The following CEP95 variants were observed in gnomAD, a reference collection of about 807,000 sequenced individuals.
CEP95 encodes the protein centrosomal protein 95.
CEP95 carries 98 observed loss-of-function variants against 111.2 expected under a neutral mutation model. The observed-to-expected ratio is 0.88, with a 90% CI of 0.75 to 1.04. The LOEUF (loss-of-function observed/expected upper bound fraction) is 1.04. CEP95 is among the 50% of genes least tolerant of loss of function. The pLI is 0.00. For synonymous variants in CEP95, 323 were observed against 327.1 expected (o/e 0.99, Z 0.14); for missense variants, 1,027 against 977.2 (o/e 1.05, Z -0.68).
chr17:64,507,444 C>G, intron 1 of CEP95: 1 of 1,336,386 alleles, frequency 7.5e-7, no homozygotes, highest in Non-Finnish European at 9.6e-7. Flanking sequence ...TCCGTGTGCC[C>G]TCCGCCCTTG....
intron 5 of CEP95, among the ~76,000 whole-genome samples, chr17:64,518,297 A>G (rs1555676875): frequency 6.6e-6 from 1 of 152,240 alleles, no homozygotes; most frequent in African/African-American, 2.4e-5. Flanking sequence ...ATTATCAAAA[A>G]CGTGATACTT....
chr17:64,517,690 ATTTTTT>A (rs782455302), intron 5 of CEP95, among the ~76,000 whole-genome samples: 3 of 124,512 alleles, frequency 2.4e-5, no homozygotes, highest in Admixed American at 8.2e-5. Flanking sequence ...CACCTGGCTA[ATTTTTT>A]TTTTTTTTTT....
Position 64,537,698 on chromosome 17 carries a change from C to A in CEP95, c.2385C>A (p.Phe795Leu). 6.2e-7 allele frequency: 1 copy of A among 1,613,340 alleles called. No homozygotes were observed. ...DMITQNDDDV[F>L]FRELEAERFR... ...TAACACAGAATGATGATGATGTTTT[C>A]TTCCGGGAACTGGAAGCTGAGCGCT... Residue 795 changes from phenylalanine (F) to leucine (L), a missense_variant, in exon 20 of 20, where the codon TTC (phenylalanine) becomes TTA (leucine). Coordinates refer to ENST00000556440, the MANE Select transcript of CEP95 (RefSeq NM_138363.3).
At chr17:64,511,230 A>G (rs868950875) in intron 3 of CEP95, among the ~76,000 whole-genome samples, 16 of 152,358 alleles carry the variant, frequency 1.1e-4, no homozygotes, top group African/African-American at 3.6e-4. Flanking sequence ...ATCAGGAGAC[A>G]GGGTTTTGAG....
chr17:64,519,768 C>T (rs1168774657), intron 6 of CEP95, among the ~76,000 whole-genome samples: 2 of 152,176 alleles, frequency 1.3e-5, no homozygotes, highest in Non-Finnish European at 2.9e-5. Flanking sequence ...TGGTGGTTGA[C>T]TCACTTTTTT....
In CEP95 at chr17:64,529,139, A is replaced by G. The variant is rs184183073; in HGVS notation, c.1307-149A>G. The G allele has an allele frequency of 5.4e-3, 3,469 of 641,152 alleles. 16 individuals carry two copies. Among genetic ancestry groups the G allele is most frequent in the South Asian group, 0.015 (759 of 50,530 alleles). The allele number at this position is 641,152 out of a possible 1,614,324, so 39.7% of individuals were successfully genotyped here. On this transcript the variant is annotated intron_variant, in intron 11 of 19. Transcript: ENST00000556440. Reference sequence around the variant, plus strand: ...TGCATTTGTCTGTTTACTTGGTGTTACCATACCAATTCAAGTTAGTTACAG... The same window carrying G: ...TGCATTTGTCTGTTTACTTGGTGTTGCCATACCAATTCAAGTTAGTTACAG...
intron 4 of CEP95, chr17:64,515,612 A>T (rs781854879): frequency 2.6e-5 from 4 of 152,096 alleles, no homozygotes; most frequent in Non-Finnish European, 4.4e-5. Context: ...TTCCCAGGGG[A>T]GATCGGCAGT....
chr17:64,520,423 G>GCATCTAATTTAA (rs1568135457), intron 6 of CEP95: 1 of 151,638 alleles, frequency 6.6e-6, no homozygotes, highest in African/African-American at 2.4e-5. Context: ...ACATTCACAG[G>GCATCTAATTTAA]CATCTAATTT....
Position 64,506,994 on chromosome 17 carries a change from T to A in CEP95, c.-104T>A. Reference sequence around the variant, plus strand: ...CACGCCTCCTTCCCCGCGCTTTGGTTCGTGCGTCCGCGCCCCAGTGTCGGG... The same window carrying A: ...CACGCCTCCTTCCCCGCGCTTTGGTACGTGCGTCCGCGCCCCAGTGTCGGG... On this transcript the variant is annotated 5_prime_UTR_variant, in exon 1 of 20. Coordinates refer to ENST00000556440, the MANE Select transcript of CEP95 (RefSeq NM_138363.3). 1 of 1,353,882 alleles carries A rather than the reference T, an allele frequency of 7.4e-7. No homozygotes were observed. The highest frequency in any genetic ancestry group is 1.0e-6 in the Non-Finnish European group (1 of 967,760). The allele number at this position is 1,353,882 out of a possible 1,614,324, so 83.9% of individuals were successfully genotyped here. A position where few individuals can be genotyped will look rare whatever the true frequency, so the allele number is the denominator to read the frequency against.
chr17:64,507,344 G>A, intron 1 of CEP95: 1 of 1,428,148 alleles, frequency 7.0e-7, no homozygotes, highest in Non-Finnish European at 9.2e-7. Flanking sequence ...ACTGGGGCGA[G>A]GCCGGTAGGA....
intron 4 of CEP95, chr17:64,514,763 C>A (rs149126332): frequency 7.6e-6 from 2 of 261,668 alleles, no homozygotes; most frequent in African/African-American, 2.2e-5. Flanking sequence ...CCTGCACTTA[C>A]ATTTGTGACA....
At chr17:64,537,014 ATT>A (rs1447170042) in intron 18 of CEP95, 25 bp from the exon 19 acceptor site, 6 of 1,567,500 alleles carry the variant, frequency 3.8e-6, no homozygotes, top group Admixed American at 1.8e-5. Flanking sequence ...TAAATATAAT[ATT>A]TGTTTTTTTT....
chr17:64,536,518 C>T, intron 17 of CEP95, 84 bp from the exon 18 acceptor site: 3 of 947,910 alleles, frequency 3.2e-6, no homozygotes, highest in South Asian at 4.2e-5. Context: ...AAAAAAAAAC[C>T]TTGGGAAATA....
chr17:64,508,268 A>C (rs1568117249), intron 1 of CEP95: 3 of 986,060 alleles, frequency 3.0e-6, no homozygotes, highest in Non-Finnish European at 3.6e-6. Flanking sequence ...TTTACTTGTA[A>C]ATATGTTTTA....
At chr17:64,525,717 C>G (rs1411985107) in intron 8 of CEP95, 53 bp from the exon 9 acceptor site, 10 of 1,203,170 alleles carry the variant, frequency 8.3e-6, no homozygotes, top group South Asian at 2.7e-5. Flanking sequence ...CCAGAAAGTT[C>G]ATGTTTCTTA....
At chr17:64,514,506 T>C (rs782712812) in intron 4 of CEP95, 148 bp downstream of exon 4, 58 of 521,150 alleles carry the variant, frequency 1.1e-4, no homozygotes, top group Non-Finnish European at 1.8e-4. Context: ...CAAATTCTTA[T>C]TGTTCCAGCT....
At chr17:64,534,157 G>A (rs1968481830) in intron 16 of CEP95, 2 of 182,254 alleles carry the variant, frequency 1.1e-5, no homozygotes, top group Admixed American at 5.5e-5. Context: ...GAGGCTTTAT[G>A]TACATGACCC....
chr17:64,507,996 T>G, intron 1 of CEP95: 1 of 985,334 alleles, frequency 1.0e-6, no homozygotes, highest in African/African-American at 1.7e-5. Flanking sequence ...TTCATGTACT[T>G]CCCATATTTT....
In CEP95 at chr17:64,532,042, A is replaced by T. The variant is rs1555680443; in HGVS notation, c.1672+20A>T. On this transcript the variant is annotated intron_variant, in intron 14 of 19. Transcript: ENST00000556440. ...TTCCAAGTAAGAACCACAGAATTGTACTTTATGGAAAACTGGCAACCTTTG... is the reference window on the plus strand; with the variant it reads ...TTCCAAGTAAGAACCACAGAATTGTTCTTTATGGAAAACTGGCAACCTTTG... 6.5e-7 allele frequency: 1 copy of T among 1,538,870 alleles called. No individual in the cohort carries two copies. Among genetic ancestry groups the T allele is most frequent in the Admixed American group, 2.3e-5 (1 of 43,350 alleles).
Sources: gnomAD v4.1 joint callset for allele counts (sites outside exome capture counted in the v4.1 genomes callset) on GRCh38, gnomAD v4.1.1 for gene constraint, MANE v1.5 for transcripts, NCBI Gene and HGNC (gene_info 2026-07-23, HGNC 2026-07-21) for gene names.